ACAP3: variants seen among roughly 807,000 people sequenced by gnomAD.
The protein encoded by ACAP3 is ArfGAP with coiled-coil, ankyrin repeat and PH domains 3, also known as arf-GAP with coiled-coil, ANK repeat and PH domain-containing protein 3.
A neutral mutation model predicts 104.1 loss-of-function variants in ACAP3; 56 were observed. The ratio of observed to expected loss-of-function variants is 0.54; its 90% CI spans 0.43 to 0.67. ACAP3 has a LOEUF of 0.67. ACAP3 is among the 30% of genes least tolerant of loss of function. The pLI is 0.00. For missense variants in ACAP3, 1,208 were observed against 1,174.9 expected (o/e 1.03, Z -0.41); for synonymous variants, 628 against 496.2 (o/e 1.27, Z -3.53).
rs575426815 is a variant in ACAP3 at position 1,297,849 on chromosome 1, G to T, written c.1101C>A (p.Arg367=). ...AVQASIASAY[R]ESPDSCYSER... is the part of the protein sequence containing the mutation. Reference sequence around the variant, plus strand: ...CGCTATAGCAACTGTCAGGGCTCTCGCGGTAGGCGGAGGCGATGCTGGCCT... The same window carrying T: ...CGCTATAGCAACTGTCAGGGCTCTCTCGGTAGGCGGAGGCGATGCTGGCCT... The change falls in exon 14 of 24, where the codon CGC becomes CGA. Residue 367 remains arginine, a synonymous_variant. Transcript: ENST00000354700. The T allele has an allele frequency of 1.9e-6, 3 of 1,611,766 alleles. No individual in the cohort carries two copies. In the South Asian group the frequency reaches 3.3e-5, roughly 18 times the overall value.
intron 1 of ACAP3, 31 bp from the exon 2 acceptor site, chr1:1,304,174 CCTG>C: frequency 6.5e-7 from 1 of 1,550,124 alleles, no homozygotes; most frequent in African/African-American, 1.4e-5. Flanking sequence ...GCTGGGGTCA[CCTG>C]CAGCCTCAGC....
intron 16 of ACAP3, 39 bp downstream of exon 16, chr1:1,296,172 C>G (rs370373247): frequency 3.1e-6 from 5 of 1,602,104 alleles, no homozygotes; most frequent in Non-Finnish European, 4.3e-6. Flanking sequence ...CCCGCCCCCA[C>G]AAACGGGGTC....
At chr1:1,296,179 G>A in intron 16 of ACAP3, 32 bp downstream of exon 16, 2 of 1,598,314 alleles carry the variant, frequency 1.3e-6, no homozygotes, top group Non-Finnish European at 8.5e-7. Context: ...CCACAAACGG[G>A]GTCCCGTGGC....
Position 1,307,765 on chromosome 1 carries a change from G to T in ACAP3, c.47+4C>A. ...GCCCACCCCGGCGGCCCCGGGCGGC[G>T]CACCTGAAGCGCGGGGAGTCCTTGA... On this transcript the variant is annotated splice_donor_region_variant and intron_variant, in intron 1 of 23. Transcript: ENST00000354700. 9.1e-7 allele frequency: 1 copy of T among 1,099,558 alleles called. No individual in the cohort carries two copies. The allele number at this position is 1,099,558 out of a possible 1,614,324, so 68.1% of individuals were successfully genotyped here.
At chr1:1,295,160 C>T (rs1028205787) in intron 19 of ACAP3, among the ~76,000 whole-genome samples, 1 of 152,130 alleles carries the variant, frequency 6.6e-6, no homozygotes, top group Non-Finnish European at 1.5e-5. Context: ...GGCAGCATGG[C>T]TCCAGAAGGG....
In ACAP3 at chr1:1,295,353, C is replaced by T. The variant is rs1641078981; in HGVS notation, c.1813+94G>A. 14 of 1,205,738 alleles carry T rather than the reference C, an allele frequency of 1.2e-5. 1 individual carries two copies. In the South Asian group the frequency reaches 1.8e-4, roughly 16 times the overall value. 74.7% of individuals were successfully genotyped at this position (1,205,738 alleles called of 1,614,324 possible). A position where few individuals can be genotyped will look rare whatever the true frequency, so the allele number is the denominator to read the frequency against. On this transcript the variant is annotated intron_variant, in intron 19 of 23. Coordinates refer to ENST00000354700, the MANE Select transcript of ACAP3 (RefSeq NM_030649.3). ...CCCCCCGCCCCTTCAGATGCTGCTC[C>T]ATTCCCTGGCAAGGGCCATCCACAC...
rs1484005089 is a variant in ACAP3, at chr1:1,307,930, T to A, written c.-115A>T. 2.1e-6 allele frequency: 1 copy of A among 469,696 alleles called. No homozygotes were observed. Among genetic ancestry groups the A allele is most frequent in the Non-Finnish European group, 2.8e-6 (1 of 362,528 alleles). 29.1% of individuals were successfully genotyped at this position (469,696 alleles called of 1,614,324 possible). On this transcript the variant is annotated 5_prime_UTR_variant, in exon 1 of 24. Coordinates refer to ENST00000354700, the MANE Select transcript of ACAP3 (RefSeq NM_030649.3). ...GCCTCGGCGCCCGCCCGCCCCGGAA[T>A]GAGGCCGCCGCGCCGCGCCCCGCCC...
chr1:1,295,886 G>C lies in ACAP3; in HGVS notation c.1555C>G (p.Arg519Gly). 1.2e-6 allele frequency: 2 copies of C among 1,611,982 alleles called. No homozygotes were observed. Among genetic ancestry groups the C allele is most frequent in the Non-Finnish European group, 1.7e-6 (2 of 1,179,960 alleles). ...KDKYVEKKFL[R>G]KAPMAPALEA... ...AGGGCTGGTGCCATGGGCGCCTTCC[G>C]CAGAAACTTCTTTTCCACGTATTTG... The change falls in exon 18 of 24, where the codon CGG (arginine) becomes GGG (glycine). Residue 519 changes from arginine (R) to glycine (G), a missense_variant. By Grantham distance (125) the Arg-to-Gly change is moderately radical. Coordinates refer to ENST00000354700, the MANE Select transcript of ACAP3 (RefSeq NM_030649.3).
intron 11 of ACAP3, 64 bp downstream of exon 11, chr1:1,298,503 A>AC: frequency 1.6e-5 from 5 of 306,362 alleles, no homozygotes; most frequent in South Asian, 3.1e-5. Context: ...TGAGGACCCC[A>AC]CCCCCGCCTG....
chr1:1,295,698 C>G (rs961005618), intron 18 of ACAP3, 38 bp downstream of exon 18: 1 of 1,573,418 alleles, frequency 6.4e-7, no homozygotes, highest in Non-Finnish European at 8.6e-7. Flanking sequence ...CCGACCAAGG[C>G]AAGCCCCTCC....
At position 1,293,555 on chromosome 1, in the gene ACAP3, T is replaced by G; in HGVS notation, c.*9A>C. 7.0e-7 allele frequency: 1 copy of G among 1,421,214 alleles called. No homozygotes were observed. The allele number at this position is 1,421,214 out of a possible 1,614,324, so 88.0% of individuals were successfully genotyped here. A position where few individuals can be genotyped will look rare whatever the true frequency, so the allele number is the denominator to read the frequency against. On this transcript the variant is annotated 3_prime_UTR_variant, in exon 24 of 24. Coordinates refer to ENST00000354700, the MANE Select transcript of ACAP3 (RefSeq NM_030649.3). Reference sequence around the variant, plus strand: ...CGGGCGGGGTGGCAGCTGCCCGGCCTGCCCGGCCCTAGCTCTCTTCCAGGT... The same window carrying G: ...CGGGCGGGGTGGCAGCTGCCCGGCCGGCCCGGCCCTAGCTCTCTTCCAGGT...
At position 1,296,499 on chromosome 1, in the gene ACAP3, G is replaced by A. The variant is rs1417391970; in HGVS notation, c.1263C>T (p.Cys421=). 21 of 1,541,888 alleles carry A rather than the reference G, an allele frequency of 1.4e-5. No individual in the cohort carries two copies. Among genetic ancestry groups the A allele is most frequent in the Middle Eastern group, 1.7e-4 (1 of 5,996 alleles). ...SVAGNSQCGD[C]GQPDPRWASI... Reference sequence around the variant, plus strand: ...TGGCCCAGCGGGGGTCCGGCTGGCCGCAGTCGCCGCACTGGCTGTTGCCGG... The same window carrying A: ...TGGCCCAGCGGGGGTCCGGCTGGCCACAGTCGCCGCACTGGCTGTTGCCGG... The change falls in exon 15 of 24, where the codon TGC becomes TGT. Residue 421 remains cysteine, a synonymous_variant. Transcript: ENST00000354700.
intron 22 of ACAP3, 73 bp downstream of exon 22, chr1:1,294,017 G>C: frequency 6.8e-7 from 1 of 1,475,416 alleles, no homozygotes; most frequent in Non-Finnish European, 9.0e-7. Flanking sequence ...GATAGGGCAT[G>C]GCGGACAGGG....
At chr1:1,294,063 G>A (rs35134975) in intron 22 of ACAP3, 27 bp downstream of exon 22, 7 of 1,541,868 alleles carry the variant, frequency 4.5e-6, no homozygotes, top group African/African-American at 4.2e-5. Flanking sequence ...TCGGGGCACA[G>A]GGCGGGGCGT....
In ACAP3 at chr1:1,303,474, G is replaced by GT; in HGVS notation, c.106-194_106-193insA. On this transcript the variant is annotated intron_variant, in intron 2 of 23. Coordinates refer to ENST00000354700, the MANE Select transcript of ACAP3 (RefSeq NM_030649.3). This position sits in a 1 kb window ranked among gnomAD's most constrained non-coding sequence, Gnocchi z 4.0. Reference sequence around the variant, plus strand: ...GGGCTTGGAGGCCCGTCTGGGAGGGGAGGGTGGGGCCGCCACGGCTCGGCT... The same window carrying GT: ...GGGCTTGGAGGCCCGTCTGGGAGGGGTAGGGTGGGGCCGCCACGGCTCGGCT... 1 of 582,322 alleles carries GT rather than the reference G, an allele frequency of 1.7e-6. No homozygotes were observed. Among genetic ancestry groups the GT allele is most frequent in the Non-Finnish European group, 2.9e-6 (1 of 346,800 alleles). 36.1% of individuals were successfully genotyped at this position (582,322 alleles called of 1,614,324 possible). A position where few individuals can be genotyped will look rare whatever the true frequency, so the allele number is the denominator to read the frequency against.
Position 1,295,866 on chromosome 1 carries a change from T to C in ACAP3, c.1575A>G (p.Pro525=). 2 of 1,611,944 alleles carry C rather than the reference T, an allele frequency of 1.2e-6. No homozygotes were observed. The highest frequency in any genetic ancestry group is 1.7e-6 in the Non-Finnish European group (2 of 1,179,962). The change falls in exon 18 of 24, where the codon CCA becomes CCG. Residue 525 remains proline (P), a synonymous_variant. Coordinates refer to ENST00000354700, the MANE Select transcript of ACAP3 (RefSeq NM_030649.3). ...TCCAGCGTCTTGGGGCCTCCAGGGC[T>C]GGTGCCATGGGCGCCTTCCGCAGAA... ...KKFLRKAPMA[P]ALEAPRRWRV...
rs181690383 is a variant in ACAP3 at position 1,294,321 on chromosome 1, C to T, written c.2139+81G>A. ...GAACGTGGTCCCCACCGCGGACAGG[C>T]GACCCTTGTGTGGGCGCCACAGAAG... On this transcript the variant is annotated intron_variant, in intron 21 of 23. Coordinates refer to ENST00000354700, the MANE Select transcript of ACAP3 (RefSeq NM_030649.3). 1.3e-3 allele frequency: 2,029 copies of T among 1,517,348 alleles called. 23 individuals are homozygous for T. The African/African-American group carries it at 0.023, about 18-fold the overall frequency. The allele number at this position is 1,517,348 out of a possible 1,614,324, so 94.0% of individuals were successfully genotyped here.
chr1:1,299,224 G>C, intron 10 of ACAP3, 121 bp downstream of exon 10: 1 of 1,295,660 alleles, frequency 7.7e-7, no homozygotes, highest in East Asian at 2.6e-5. Context: ...TCAGCAGCAG[G>C]AGCCGAGACT....
rs185032719 is a variant in ACAP3 at position 1,302,186 on chromosome 1, G to A, written c.280-140C>T. The A allele has an allele frequency of 1.1e-4, 71 of 653,400 alleles. No homozygotes were observed. The African/African-American group carries it at 1.2e-3, about 11-fold the overall frequency. 40.5% of individuals were successfully genotyped at this position (653,400 alleles called of 1,614,324 possible). ...TCCCACCCTGCAGGGCTGGCCTCAA[G>A]GGGGTCAGGGGAGCAGCCCCCAGGC... On this transcript the variant is annotated intron_variant, in intron 4 of 23. Transcript: ENST00000354700.
Sources: gnomAD v4.1 joint callset for allele counts (sites outside exome capture counted in the v4.1 genomes callset) on GRCh38, gnomAD v4.1.1 for gene constraint, Gnocchi (gnomAD v3.1) non-coding constraint, MANE v1.5 for transcripts, NCBI Gene and HGNC (gene_info 2026-07-23, HGNC 2026-07-21) for gene names.